NIPAL2: variants seen among roughly 807,000 people sequenced by gnomAD.
NIPAL2 encodes NIPA like domain containing 2.
Under a neutral mutation model 48.9 loss-of-function variants are expected in NIPAL2, and 43 were observed. The ratio of observed to expected loss-of-function variants is 0.88; its 90% CI spans 0.69 to 1.13. The LOEUF (loss-of-function observed/expected upper bound fraction) is 1.13. Ranked by LOEUF, NIPAL2 falls within the 50% of genes most tolerant of loss-of-function variation. The probability of loss-of-function intolerance (pLI) is 0.00; values close to 1 mark genes in which losing one functional copy is unlikely to be tolerated. For synonymous variants in NIPAL2, 167 were observed against 174.6 expected (o/e 0.96, Z 0.34); for missense variants, 446 against 461.4 (o/e 0.97, Z 0.31).
intron 5 of NIPAL2, among the ~76,000 whole-genome samples, chr8:98,221,553 T>A (rs1047875892): frequency 1.2e-4 from 19 of 152,230 alleles, no homozygotes; most frequent in African/African-American, 3.4e-4. Flanking sequence ...AGTTTTTTTT[T>A]AAATTATTAT....
At position 98,193,543 on chromosome 8, in the gene NIPAL2, G is replaced by A. The variant is rs1810395963; in HGVS notation, c.1040-453C>T. On this transcript the variant is annotated intron_variant, in intron 10 of 10. Coordinates refer to ENST00000430223, the MANE Select transcript of NIPAL2 (RefSeq NM_001321635.2). ...ATAGAGTTAAAAATAATCAGGCTCG[G>A]TGCAGTGGCTCACACCTATCATCCC... is the stretch of plus-strand genomic sequence containing the variant. 30 of 888,312 alleles carry A rather than the reference G, an allele frequency of 3.4e-5. 1 individual carries two copies. In the South Asian group the frequency reaches 4.1e-4, roughly 12 times the overall value. 55.0% of individuals were successfully genotyped at this position (888,312 alleles called of 1,614,324 possible). A position where few individuals can be genotyped will look rare whatever the true frequency, so the allele number is the denominator to read the frequency against.
intron 1 of NIPAL2, among the ~76,000 whole-genome samples, chr8:98,273,199 C>T (rs1815243786): frequency 6.6e-6 from 1 of 152,128 alleles, no homozygotes; most frequent in African/African-American, 2.4e-5. Flanking sequence ...GAGTGAAGTA[C>T]TGGTACATGC....
intron 9 of NIPAL2, 43 bp from the exon 10 acceptor site, chr8:98,194,865 A>G (rs1284114532): frequency 7.7e-6 from 9 of 1,166,158 alleles, no homozygotes; most frequent in African/African-American, 6.3e-5. Context: ...ACACTGAAAC[A>G]GACTCATGGT....
chr8:98,255,977 T>C (rs1813867356), intron 1 of NIPAL2, among the ~76,000 whole-genome samples: 1 of 152,126 alleles, frequency 6.6e-6, no homozygotes, highest in Non-Finnish European at 1.5e-5. Flanking sequence ...AGCATAGGCA[T>C]TGAAAAAAAT....
chr8:98,233,032 C>T (rs546626558), intron 4 of NIPAL2, among the ~76,000 whole-genome samples: 31 of 152,110 alleles, frequency 2.0e-4, no homozygotes, highest in African/African-American at 6.5e-4. Context: ...GGCAGAGGTG[C>T]GTGGATCATG....
intron 5 of NIPAL2, 100 bp downstream of exon 5, chr8:98,222,379 T>C: frequency 8.0e-7 from 1 of 1,247,340 alleles, no homozygotes; most frequent in Non-Finnish European, 1.1e-6. Context: ...TAATAAGATA[T>C]TAGTGCTGGT....
intron 5 of NIPAL2, chr8:98,217,285 G>C: frequency 1.0e-6 from 1 of 985,418 alleles, no homozygotes; most frequent in Non-Finnish European, 1.2e-6. Flanking sequence ...ACAGACATCT[G>C]TCTGGGGCAC....
chr8:98,201,510 G>A (rs928487356), intron 8 of NIPAL2, among the ~76,000 whole-genome samples: 3 of 152,022 alleles, frequency 2.0e-5, no homozygotes, highest in African/African-American at 7.3e-5. Context: ...TTAGCCTCCT[G>A]AGTAGCTGGG....
At position 98,275,926 on chromosome 8, in the gene NIPAL2, T is replaced by A. The variant is rs544715040; in HGVS notation, c.135+18077A>T. Among the ~76,000 whole-genome samples the A allele has an allele frequency of 3.1e-3, 474 of 152,324 alleles. 1 individual carries two copies. The highest frequency in any genetic ancestry group is 0.011 in the African/African-American group (443 of 41,580). On this transcript the variant is annotated intron_variant, in intron 1 of 10. Transcript: ENST00000430223. ...CTCAAACTAGTCATGATTATCATTA[T>A]TTTTTAACCAGTATTATTTTTTAGA...
chr8:98,258,976 T>C (rs1291308497), intron 1 of NIPAL2, among the ~76,000 whole-genome samples: 4 of 151,842 alleles, frequency 2.6e-5, no homozygotes, highest in African/African-American at 9.7e-5. Flanking sequence ...GGCAATAATT[T>C]CTTGGCTATG....
chr8:98,276,891 G>A (rs1477558414), intron 1 of NIPAL2, among the ~76,000 whole-genome samples: 3 of 151,568 alleles, frequency 2.0e-5, no homozygotes, highest in Non-Finnish European at 4.4e-5. Flanking sequence ...TCCTGCCTTA[G>A]CCTCCTGAGT....
Position 98,191,678 on chromosome 8 carries a change from T to C in NIPAL2, c.*1300A>G, listed in dbSNP as rs1368433624. ...TTGAAATGTCATTAAGGGTGGGACT[T>C]ATTGTTGGATGTTGGCTGCAACGAA... On this transcript the variant is annotated 3_prime_UTR_variant, in exon 11 of 11. Transcript: ENST00000430223. The C allele has an allele frequency of 6.6e-6, 1 of 152,236 alleles. No homozygotes were observed. Among genetic ancestry groups the C allele is most frequent in the Non-Finnish European group, 1.5e-5 (1 of 68,040 alleles). The allele number at this position is 152,236 out of a possible 1,614,324, so 9.4% of individuals were successfully genotyped here.
intron 2 of NIPAL2, among the ~76,000 whole-genome samples, chr8:98,252,975 C>G (rs150066335): frequency 6.6e-6 from 1 of 152,046 alleles, no homozygotes; most frequent in Middle Eastern, 3.4e-3. Context: ...AGGATGAAAT[C>G]TCTTGCTGTC....
chr8:98,195,953 T>C lies in NIPAL2; in HGVS notation c.933A>G (p.Ile311Met), dbSNP rs1384537709. The change falls in exon 9 of 11, where the codon ATA becomes ATG. Residue 311 changes from isoleucine to methionine, a missense_variant. By Grantham distance (10) the Ile-to-Met change is conservative. Coordinates refer to ENST00000430223, the MANE Select transcript of NIPAL2 (RefSeq NM_001321635.2). ...AGACATTTACTCACCCAAAAAGATATATAAATACAGTGAGAAAAGGAGCAC... is the reference window on the plus strand; with the variant it reads ...AGACATTTACTCACCCAAAAAGATACATAAATACAGTGAGAAAAGGAGCAC... ...FLGAPFLTVF[I>M]YLFGCFLSFL... is the part of the protein sequence containing the mutation. The C allele has an allele frequency of 4.4e-6, 7 of 1,582,272 alleles. No individual in the cohort carries two copies. Among genetic ancestry groups the C allele is most frequent in the East Asian group, 4.5e-5 (2 of 44,404 alleles).
chr8:98,215,067 AT>A (rs1310778345), intron 5 of NIPAL2, among the ~76,000 whole-genome samples: 4 of 152,228 alleles, frequency 2.6e-5, no homozygotes, highest in Admixed American at 2.6e-4. Context: ...GGGCCGCTGT[AT>A]TTGTTGCTGG....
At position 98,205,241 on chromosome 8, in the gene NIPAL2, A is replaced by G; in HGVS notation, c.661T>C (p.Leu221=). The G allele has an allele frequency of 1.2e-6, 2 of 1,604,694 alleles. No individual in the cohort carries two copies. Among genetic ancestry groups the G allele is most frequent in the Non-Finnish European group, 1.7e-6 (2 of 1,177,664 alleles). ...ACGGCCTTTACTGAAATAACAGTCA[A>G]TGAGGCTGAAAAAGAAAACAAAAAA... The part of the protein sequence containing the change: ...LLTLVAILAS[L]TVISVKAVSG... Residue 221 remains leucine, a synonymous_variant, in exon 7 of 11, where the codon TTG becomes CTG. Transcript: ENST00000430223.
At chr8:98,251,687 G>A (rs1813598745) in intron 3 of NIPAL2, 1 of 152,084 alleles carries the variant, frequency 6.6e-6, no homozygotes, top group Non-Finnish European at 1.5e-5. Flanking sequence ...TTGTTTAGGA[G>A]GAACATTTAA....
chr8:98,196,180 T>G (rs1810535599), intron 8 of NIPAL2, among the ~76,000 whole-genome samples, 175 bp from the exon 9 acceptor site: 1 of 152,220 alleles, frequency 6.6e-6, no homozygotes, highest in African/African-American at 2.4e-5. Context: ...ACATTCTGAA[T>G]TATTCCAAAA....
At chr8:98,214,225 A>T (rs1811462106) in intron 5 of NIPAL2, among the ~76,000 whole-genome samples, 1 of 151,440 alleles carries the variant, frequency 6.6e-6, no homozygotes, top group South Asian at 2.1e-4. Flanking sequence ...GTGTAATGGC[A>T]CAACCTCAGA....
Sources: gnomAD v4.1 joint callset for allele counts (sites outside exome capture counted in the v4.1 genomes callset) on GRCh38, gnomAD v4.1.1 for gene constraint, MANE v1.5 for transcripts, NCBI Gene and HGNC (gene_info 2026-07-23, HGNC 2026-07-21) for gene names.